Variants in DIS3L2 observed in about 807,000 individuals in gnomAD.
The protein encoded by DIS3L2 is DIS3 like 3'-5' exoribonuclease 2.
Under a neutral mutation model 97.5 loss-of-function variants are expected in DIS3L2, and 34 were observed. The ratio of observed to expected loss-of-function variants is 0.35; its 90% CI spans 0.27 to 0.46. The LOEUF is 0.46. Ranked by LOEUF, DIS3L2 falls within the 20% of genes least tolerant of loss-of-function variation. The pLI, the probability that DIS3L2 is intolerant of heterozygous loss-of-function variation, is 1.00. For missense variants in DIS3L2, 1,038 were observed against 1,146.0 expected (o/e 0.91, Z 1.36); for synonymous variants, 435 against 445.2 (o/e 0.98, Z 0.29).
chr2:232,164,046 A>G (rs1690734233), intron 9 of DIS3L2, among the ~76,000 whole-genome samples: 1 of 152,192 alleles, frequency 6.6e-6, no homozygotes, highest in Non-Finnish European at 1.5e-5. Context: ...TGCAAAGCCA[A>G]AAGTAGTTAC....
chr2:232,298,843 T>G (rs1311852681), intron 13 of DIS3L2, among the ~76,000 whole-genome samples: 1 of 152,252 alleles, frequency 6.6e-6, no homozygotes, highest in Non-Finnish European at 1.5e-5. Context: ...CAGGGCATGC[T>G]GCACCTCCTT....
intron 6 of DIS3L2, among the ~76,000 whole-genome samples, chr2:232,094,400 A>C (rs971361066): frequency 6.6e-5 from 10 of 152,150 alleles, no homozygotes; most frequent in African/African-American, 2.4e-4. Context: ...AGATCTGTCA[A>C]ATGCTGAAAA....
intron 10 of DIS3L2, among the ~76,000 whole-genome samples, chr2:232,221,691 C>T (rs1195039878): frequency 1.3e-5 from 2 of 152,048 alleles, no homozygotes; most frequent in Non-Finnish European, 2.9e-5. Flanking sequence ...ATCCCAGCTA[C>T]TCAGGAGGCT....
In DIS3L2 at chr2:232,234,433, T is replaced by C. The variant is rs530623796; in HGVS notation, c.1205-4100T>C. On this transcript the variant is annotated intron_variant, in intron 10 of 20. Transcript: ENST00000325385. ...GGTGTGATCTTGGCTCACTGCAACC[T>C]CCACCTCCCGGGTTCGAGTGATTCT... Among the ~76,000 whole-genome samples, 90 of 152,354 alleles carry C rather than the reference T, an allele frequency of 5.9e-4. 1 individual carries two copies. In the Middle Eastern group the frequency reaches 0.01, roughly 17 times the overall value.
intron 5 of DIS3L2, among the ~76,000 whole-genome samples, chr2:232,072,314 A>AT (rs1236991484): frequency 1.3e-5 from 2 of 152,172 alleles, no homozygotes; most frequent in Non-Finnish European, 2.9e-5. Flanking sequence ...AAGGATTGAG[A>AT]TTTTAAATAG....
At chr2:232,184,930 G>A (rs1027299330) in intron 9 of DIS3L2, among the ~76,000 whole-genome samples, 1 of 152,058 alleles carries the variant, frequency 6.6e-6, no homozygotes, top group African/African-American at 2.4e-5. Flanking sequence ...ATTTTCCAGG[G>A]CCCGTCTTGA....
At chr2:232,114,295 T>A (rs536171980) in intron 6 of DIS3L2, among the ~76,000 whole-genome samples, 1 of 140,844 alleles carries the variant, frequency 7.1e-6, no homozygotes, top group Admixed American at 7.8e-5. Context: ...AAATAATAGA[T>A]GAACAAGACA....
chr2:232,025,094 T>A (rs6741364), intron 4 of DIS3L2, among the ~76,000 whole-genome samples: 2,023 of 152,286 alleles, frequency 0.013, 53 homozygotes, highest in African/African-American at 0.046. Flanking sequence ...TATATTTTAG[T>A]TAACATATTT....
At chr2:232,214,636 C>T (rs1171022236) in intron 10 of DIS3L2, among the ~76,000 whole-genome samples, 1 of 152,196 alleles carries the variant, frequency 6.6e-6, no homozygotes, top group Non-Finnish European at 1.5e-5. Context: ...ACATGGCTAC[C>T]TGTATCCAGA....
intron 17 of DIS3L2, among the ~76,000 whole-genome samples, 167 bp from the exon 18 acceptor site, chr2:232,334,202 G>A (rs1695864203): frequency 6.6e-6 from 1 of 152,174 alleles, no homozygotes; most frequent in South Asian, 2.1e-4. Context: ...GGACACAGCC[G>A]GGAGGAGGGC....
At chr2:232,134,217 A>G (rs992120261) in intron 7 of DIS3L2, among the ~76,000 whole-genome samples, 84 of 152,260 alleles carry the variant, frequency 5.5e-4, no homozygotes, top group African/African-American at 1.8e-3. Flanking sequence ...AAGATTGAAC[A>G]TTCAGACAAC....
chr2:232,327,379 C>T (rs1695608696), intron 14 of DIS3L2, among the ~76,000 whole-genome samples: 1 of 152,252 alleles, frequency 6.6e-6, no homozygotes. Context: ...GGAAAGCAGG[C>T]ACCACAGAAT....
At chr2:232,316,696 C>T (rs1192959115) in intron 14 of DIS3L2, among the ~76,000 whole-genome samples, 1 of 152,216 alleles carries the variant, frequency 6.6e-6, no homozygotes, top group African/African-American at 2.4e-5. Flanking sequence ...TTTCCTGGTT[C>T]TGCTTCATGT....
At chr2:232,272,888 G>T (rs7599108) in intron 13 of DIS3L2, among the ~76,000 whole-genome samples, 7,860 of 152,168 alleles carry the variant, frequency 0.052, 770 homozygotes, top group East Asian at 0.43. Context: ...AGCCAGTGCA[G>T]ATCCTCAGAA....
intron 5 of DIS3L2, among the ~76,000 whole-genome samples, chr2:232,076,148 TCTC>T (rs1696177778): frequency 6.6e-6 from 1 of 152,188 alleles, no homozygotes. Context: ...GATCTTCCTT[TCTC>T]CCTCTTGTTG....
At chr2:232,033,163 C>T (rs1367735856) in intron 5 of DIS3L2, among the ~76,000 whole-genome samples, 1 of 152,028 alleles carries the variant, frequency 6.6e-6, no homozygotes, top group South Asian at 2.1e-4. Context: ...CTTGAGCAGT[C>T]GTTTGTAGTT....
chr2:232,165,497 T>G (rs1690776110), intron 9 of DIS3L2, among the ~76,000 whole-genome samples: 1 of 152,234 alleles, frequency 6.6e-6, no homozygotes, highest in Non-Finnish European at 1.5e-5. Context: ...CTTTGACTTT[T>G]CATTTTGCAT....
chr2:232,221,992 G>C (rs1041009367), intron 10 of DIS3L2, among the ~76,000 whole-genome samples: 1 of 151,766 alleles, frequency 6.6e-6, no homozygotes, highest in South Asian at 2.1e-4. Context: ...ACTCAGGCTG[G>C]AGTGTGGTGG....
At chr2:232,003,286 T>C (rs1693958648) in intron 1 of DIS3L2, among the ~76,000 whole-genome samples, 1 of 152,242 alleles carries the variant, frequency 6.6e-6, no homozygotes, top group Non-Finnish European at 1.5e-5. Context: ...GTGCTGAGTC[T>C]TCTCCTCATT....
Sources: gnomAD v4.1 joint callset for allele counts (sites outside exome capture counted in the v4.1 genomes callset) on GRCh38, gnomAD v4.1.1 for gene constraint, MANE v1.5 for transcripts, NCBI Gene and HGNC (gene_info 2026-07-23, HGNC 2026-07-21) for gene names.